The following RALGAPB variants were observed in gnomAD, a reference collection of about 807,000 sequenced individuals.
RALGAPB encodes Ral GTPase activating protein non-catalytic subunit beta.
A neutral mutation model predicts 161.1 loss-of-function variants in RALGAPB; 25 were observed. That is an observed-to-expected ratio of 0.16 (90% CI 0.11 to 0.22). The LOEUF (loss-of-function observed/expected upper bound fraction) is 0.22. Ranked by LOEUF, RALGAPB falls within the 10% of genes least tolerant of loss-of-function variation. The pLI is 1.00. For missense variants in RALGAPB, 1,391 were observed against 1,815.2 expected (o/e 0.77, Z 4.25); for synonymous variants, 629 against 626.1 (o/e 1.00, Z -0.07).
intron 7 of RALGAPB, among the ~76,000 whole-genome samples, chr20:38,517,213 C>G (rs2086152913): frequency 6.6e-6 from 1 of 152,176 alleles, no homozygotes; most frequent in Non-Finnish European, 1.5e-5. Flanking sequence ...TTAAGAAGAT[C>G]TCTTAGAAGA....
chr20:38,547,403 C>T (rs1055883098), intron 19 of RALGAPB: 1 of 152,178 alleles, frequency 6.6e-6, no homozygotes, highest in Non-Finnish European at 1.5e-5. Context: ...AGTGAAAAAA[C>T]TCAGGCTCAC....
intron 21 of RALGAPB, among the ~76,000 whole-genome samples, chr20:38,551,941 C>G (rs1324252624): frequency 6.6e-6 from 1 of 151,964 alleles, no homozygotes; most frequent in Non-Finnish European, 1.5e-5. Flanking sequence ...GAAAAAGTCC[C>G]CTGAATTTTG....
At chr20:38,528,124 T>C (rs190693329) in intron 13 of RALGAPB, among the ~76,000 whole-genome samples, 107 of 152,334 alleles carry the variant, frequency 7.0e-4, no homozygotes, top group African/African-American at 2.2e-3. Flanking sequence ...ATTTTTGTTT[T>C]ATTTATTTGT....
intron 1 of RALGAPB, among the ~76,000 whole-genome samples, chr20:38,477,243 A>T (rs2084830121): frequency 6.6e-6 from 1 of 152,202 alleles, no homozygotes; most frequent in Non-Finnish European, 1.5e-5. Flanking sequence ...ATTAAAATTA[A>T]AAGTTTTTAA....
At chr20:38,486,086 C>T (rs1447818161) in intron 1 of RALGAPB, among the ~76,000 whole-genome samples, 1 of 150,144 alleles carries the variant, frequency 6.7e-6, no homozygotes, top group African/African-American at 2.5e-5. Flanking sequence ...TTTCCTGCCT[C>T]AGCCTCCCAG....
chr20:38,473,093 G>C, intron 1 of RALGAPB, 24 bp downstream of exon 1: 1 of 348,240 alleles, frequency 2.9e-6, no homozygotes, highest in Non-Finnish European at 5.2e-6. Context: ...CGGCCCCGCC[G>C]CGGCCGGACC....
intron 13 of RALGAPB, among the ~76,000 whole-genome samples, chr20:38,528,871 A>G (rs1296963363): frequency 1.3e-5 from 2 of 152,070 alleles, no homozygotes; most frequent in African/African-American, 4.8e-5. Context: ...TAGTAGACAC[A>G]GGATTTTACC....
chr20:38,549,983 T>C (rs1176914057), intron 20 of RALGAPB, among the ~76,000 whole-genome samples: 1 of 152,232 alleles, frequency 6.6e-6, no homozygotes, highest in Non-Finnish European at 1.5e-5. Context: ...GATGAGTTCA[T>C]GTCCTTTGTA....
intron 18 of RALGAPB, among the ~76,000 whole-genome samples, chr20:38,545,628 A>G (rs1301242137): frequency 6.6e-6 from 1 of 152,208 alleles, no homozygotes; most frequent in Non-Finnish European, 1.5e-5. Context: ...ACATTGCTCA[A>G]CAGATTATTT....
chr20:38,527,059 C>T (rs1228123423), intron 13 of RALGAPB, among the ~76,000 whole-genome samples: 2 of 152,022 alleles, frequency 1.3e-5, no homozygotes, highest in Non-Finnish European at 2.9e-5. Context: ...CCATCCCAGC[C>T]CACAAACCTG....
chr20:38,511,540 G>A (rs939511593), intron 6 of RALGAPB, among the ~76,000 whole-genome samples: 3 of 151,988 alleles, frequency 2.0e-5, no homozygotes, highest in African/African-American at 2.4e-5. Flanking sequence ...GACTCTTAAC[G>A]GGTATGCTGC....
Position 38,539,956 on chromosome 20 carries a change from A to G in RALGAPB, c.2560A>G (p.Lys854Glu). 2 of 1,604,854 alleles carry G rather than the reference A, an allele frequency of 1.2e-6. No homozygotes were observed. The highest frequency in any genetic ancestry group is 1.7e-6 in the Non-Finnish European group (2 of 1,175,452). The change falls in exon 17 of 30, where the codon AAG becomes GAG. Residue 854 changes from lysine to glutamate, a missense_variant and splice_region_variant. Lys to Glu is a moderately conservative substitution (Grantham distance 56). Around this residue, in one of 3 missense-constraint regions of RALGAPB, gnomAD observed 946 missense variants for 1,257.2 expected, o/e 0.75. Transcript: ENST00000262879. ...AGAGCACCCTGATATGCTTGATGAA[A>G]AGGTGAGTTTATTTTATTTTAAACC... is the stretch of plus-strand genomic sequence containing the variant. ...LTEHPDMLDE[K>E]DCLKEVLEIV... is the part of the protein sequence containing the mutation.
Position 38,525,472 on chromosome 20 carries a change from T to G in RALGAPB, c.1856T>G (p.Leu619Arg), listed in dbSNP as rs568143262. 1 of 1,606,974 alleles carries G rather than the reference T, an allele frequency of 6.2e-7. No homozygotes were observed. Among genetic ancestry groups the G allele is most frequent in the South Asian group, 1.1e-5 (1 of 88,458 alleles). ...CGAAGATCCTCCATTAATATCCTGC[T>G]TTCTTTGTTGCCCCTCCCTCATCAT... ...ELRRSSINILLSLLPLPHHFG... is the reference protein window; with the variant it reads ...ELRRSSINILRSLLPLPHHFG... The change falls in exon 12 of 30, where the codon CTT (leucine) becomes CGT (arginine). Residue 619 changes from leucine (L) to arginine (R), a missense_variant. Leu to Arg is a moderately radical substitution (Grantham distance 102). This residue lies in a region of RALGAPB where 946 missense variants were observed against 1,257.2 expected (regional missense o/e 0.75). Coordinates refer to ENST00000262879, the MANE Select transcript of RALGAPB (RefSeq NM_020336.4).
chr20:38,516,278 A>G lies in RALGAPB; in HGVS notation c.959A>G (p.Gln320Arg), dbSNP rs1180863870. ...EQFLNVSGMP[Q>R]ELNQYPCLKH... ...TTCTTGAATGTGAGCGGAATGCCGC[A>G]AGAATTGAATCAGTATCCCTGCCTT... is the stretch of plus-strand genomic sequence containing the variant. The change falls in exon 7 of 30, where the codon CAA becomes CGA. Residue 320 changes from glutamine (Q) to arginine (R), a missense_variant. Coordinates refer to ENST00000262879, the MANE Select transcript of RALGAPB (RefSeq NM_020336.4). 1.2e-6 allele frequency: 2 copies of G among 1,614,014 alleles called. No individual in the cohort carries two copies. Among genetic ancestry groups the G allele is most frequent in the Non-Finnish European group, 1.7e-6 (2 of 1,179,886 alleles).
intron 18 of RALGAPB, among the ~76,000 whole-genome samples, chr20:38,544,732 T>A (rs2087102792): frequency 6.6e-6 from 1 of 152,226 alleles, no homozygotes; most frequent in Middle Eastern, 3.2e-3. Context: ...CCTCCCAAAG[T>A]GCTGGGATTA....
chr20:38,481,372 T>C (rs895862178), intron 1 of RALGAPB, among the ~76,000 whole-genome samples: 1 of 152,246 alleles, frequency 6.6e-6, no homozygotes, highest in Admixed American at 6.5e-5. Flanking sequence ...AGAGGTTTAA[T>C]GGAGAAATCC....
chr20:38,530,346 T>C (rs183414007), intron 13 of RALGAPB, among the ~76,000 whole-genome samples: 32 of 152,356 alleles, frequency 2.1e-4, no homozygotes, highest in African/African-American at 7.2e-4. Context: ...TTTACATTTC[T>C]CTGGACTGCA....
intron 5 of RALGAPB, 45 bp from the exon 6 acceptor site, chr20:38,509,032 C>T: frequency 1.3e-6 from 2 of 1,590,398 alleles, no homozygotes; most frequent in Non-Finnish European, 1.7e-6. Context: ...GTGTATTTTT[C>T]AATCTGTTAA....
chr20:38,491,895 C>A (rs990090277), intron 2 of RALGAPB, among the ~76,000 whole-genome samples: 2 of 152,176 alleles, frequency 1.3e-5, no homozygotes, highest in Non-Finnish European at 2.9e-5. Flanking sequence ...TCTTGGTGAT[C>A]ATGCTTCTCT....
Sources: gnomAD v4.1 joint callset for allele counts (sites outside exome capture counted in the v4.1 genomes callset) on GRCh38, gnomAD v4.1.1 for gene constraint, gnomAD v4.1.1 regional missense constraint, MANE v1.5 for transcripts, NCBI Gene and HGNC (gene_info 2026-07-23, HGNC 2026-07-21) for gene names.